LDB2: variants seen among roughly 807,000 people sequenced by gnomAD.
LDB2 encodes the protein LIM domain binding 2.
Under a neutral mutation model 44.3 loss-of-function variants are expected in LDB2, and 12 were observed. That is an observed-to-expected ratio of 0.27 (90% CI 0.17 to 0.44). LDB2 has a LOEUF of 0.44. Ranked by LOEUF, LDB2 falls within the 20% of genes least tolerant of loss-of-function variation. The pLI, the probability that LDB2 is intolerant of heterozygous loss-of-function variation, is 1.00. For synonymous variants in LDB2, 164 were observed against 174.8 expected (o/e 0.94, Z 0.49); for missense variants, 344 against 473.5 (o/e 0.73, Z 2.54).
At chr4:16,747,786 A>G (rs1764685653) in intron 2 of LDB2, among the ~76,000 whole-genome samples, 1 of 152,192 alleles carries the variant, frequency 6.6e-6, no homozygotes, top group South Asian at 2.1e-4. Flanking sequence ...ATATGAGAGT[A>G]ACATGGAGAC....
At chr4:16,640,714 C>T (rs924839101) in intron 2 of LDB2, among the ~76,000 whole-genome samples, 2 of 152,060 alleles carry the variant, frequency 1.3e-5, no homozygotes, top group Non-Finnish European at 2.9e-5. Flanking sequence ...GTGACTTGGC[C>T]CAGGTTTCAC....
At chr4:16,687,120 A>G (rs1578780880) in intron 2 of LDB2, among the ~76,000 whole-genome samples, 1 of 152,334 alleles carries the variant, frequency 6.6e-6, no homozygotes, top group African/African-American at 2.4e-5. Flanking sequence ...ACTTGAAAAA[A>G]AAAACCATTA....
chr4:16,755,528 T>TGTGTGTGA (rs1561114447), intron 2 of LDB2, among the ~76,000 whole-genome samples: 3 of 134,968 alleles, frequency 2.2e-5, no homozygotes, highest in African/African-American at 5.3e-5. Flanking sequence ...TGTGTGTATG[T>TGTGTGTGA]GAGAGAGAGA....
intron 2 of LDB2, among the ~76,000 whole-genome samples, chr4:16,638,072 A>G (rs988277525): frequency 5.9e-5 from 9 of 152,244 alleles, no homozygotes; most frequent in African/African-American, 1.9e-4. Flanking sequence ...AATGAAAAAC[A>G]TAAAATGCTT....
intron 1 of LDB2, among the ~76,000 whole-genome samples, chr4:16,887,985 A>G (rs945292216): frequency 1.3e-5 from 2 of 152,122 alleles, no homozygotes; most frequent in African/African-American, 4.8e-5. Flanking sequence ...AAGATACCGT[A>G]TGGTACTCTT....
intron 2 of LDB2, chr4:16,626,966 T>C (rs1255963226): frequency 1.3e-5 from 2 of 152,142 alleles, no homozygotes. Context: ...CTCCAGAAAC[T>C]GCAAGGAGAC....
intron 2 of LDB2, among the ~76,000 whole-genome samples, chr4:16,641,040 C>G (rs1734995906): frequency 6.6e-6 from 1 of 151,680 alleles, no homozygotes; most frequent in African/African-American, 2.4e-5. Context: ...AAGTTGAAAA[C>G]TATAAGGAAA....
intron 5 of LDB2, among the ~76,000 whole-genome samples, chr4:16,564,537 T>A (rs1743777784): frequency 1.3e-5 from 2 of 152,226 alleles, no homozygotes; most frequent in South Asian, 4.1e-4. Context: ...CCCCCATCTC[T>A]TGTGAGGTGT....
chr4:16,839,914 T>TAC (rs978305959), intron 1 of LDB2, among the ~76,000 whole-genome samples: 7 of 152,050 alleles, frequency 4.6e-5, no homozygotes, highest in Non-Finnish European at 7.4e-5. Context: ...CACACACACA[T>TAC]ACACACACAT....
At chr4:16,502,907 C>T in intron 7 of LDB2, 34 bp from the exon 8 acceptor site, 1 of 1,609,952 alleles carries the variant, frequency 6.2e-7, no homozygotes. Flanking sequence ...TACAGGGAAA[C>T]CTTGGGAGAG....
rs994267519 is a variant in LDB2 at position 16,563,710 on chromosome 4, G to A, written c.615+22212C>T. ...CCTGACCTCGTGATCTGCCCGCCTC[G>A]GCCTCCCAATGTGCTGGGATTACAG... On this transcript the variant is annotated intron_variant, in intron 5 of 7. Coordinates refer to ENST00000304523, the MANE Select transcript of LDB2 (RefSeq NM_001290.5). Among the ~76,000 whole-genome samples, 6 of 150,606 alleles carry A rather than the reference G, an allele frequency of 4.0e-5. No homozygotes were observed. In the East Asian group the frequency reaches 5.8e-4, roughly 15 times the overall value.
At chr4:16,715,150 A>G (rs550303381) in intron 2 of LDB2, among the ~76,000 whole-genome samples, 1 of 152,246 alleles carries the variant, frequency 6.6e-6, no homozygotes, top group South Asian at 2.1e-4. Flanking sequence ...TATGCATTTT[A>G]CCAATGAGGA....
intron 1 of LDB2, among the ~76,000 whole-genome samples, chr4:16,789,307 C>G (rs1775186998): frequency 6.6e-6 from 1 of 152,158 alleles, no homozygotes. Flanking sequence ...AAATATTTAT[C>G]AAAGGCCTAC....
intron 5 of LDB2, among the ~76,000 whole-genome samples, chr4:16,528,689 G>C (rs914723475): frequency 1.3e-5 from 2 of 152,226 alleles, no homozygotes; most frequent in African/African-American, 4.8e-5. Flanking sequence ...GAACCAGTAA[G>C]GTATAGAGAA....
At chr4:16,868,281 C>T (rs1025737572) in intron 1 of LDB2, among the ~76,000 whole-genome samples, 1 of 152,154 alleles carries the variant, frequency 6.6e-6, no homozygotes, top group Non-Finnish European at 1.5e-5. Flanking sequence ...TTTGGGGACT[C>T]CTGATAGGAC....
intron 1 of LDB2, among the ~76,000 whole-genome samples, chr4:16,773,690 C>T (rs762023723): frequency 7.9e-5 from 12 of 151,972 alleles, no homozygotes; most frequent in Non-Finnish European, 1.5e-4. Flanking sequence ...GTTAGGAACC[C>T]GTACTCCCCT....
intron 2 of LDB2, among the ~76,000 whole-genome samples, chr4:16,645,364 G>C (rs1349902713): frequency 1.3e-5 from 2 of 151,060 alleles, no homozygotes; most frequent in Admixed American, 6.6e-5. Flanking sequence ...GTGAAACCCC[G>C]TCTCTACTAA....
chr4:16,705,595 C>T (rs192962902), intron 2 of LDB2, among the ~76,000 whole-genome samples: 2 of 152,346 alleles, frequency 1.3e-5, no homozygotes, highest in East Asian at 1.9e-4. Flanking sequence ...TAGCCTACCA[C>T]AGTCCCATGA....
chr4:16,725,440 C>G (rs1029981313), intron 2 of LDB2, among the ~76,000 whole-genome samples: 1 of 152,134 alleles, frequency 6.6e-6, no homozygotes, highest in Admixed American at 6.6e-5. Context: ...GGAAGACAAC[C>G]TGCCATAAAT....
Sources: gnomAD v4.1 joint callset for allele counts (sites outside exome capture counted in the v4.1 genomes callset) on GRCh38, gnomAD v4.1.1 for gene constraint, MANE v1.5 for transcripts, NCBI Gene and HGNC (gene_info 2026-07-23, HGNC 2026-07-21) for gene names.